BRD10: variants seen among roughly 807,000 people sequenced by gnomAD.
BRD10 encodes the protein uncharacterized bromodomain-containing protein 10.
At chr9:5,979,142 C>T in the BRD10 span, among the ~76,000 whole-genome samples, 1 of 152,158 alleles carries the variant, frequency 6.6e-6, no homozygotes, top group African/African-American at 2.4e-5. Context: ...GTTTAAAAAT[C>T]TGTTTCAATT....
At chr9:5,981,210 T>G in the BRD10 span, among the ~76,000 whole-genome samples, 1 of 152,130 alleles carries the variant, frequency 6.6e-6, no homozygotes, top group African/African-American at 2.4e-5. Context: ...AAAGATAAAA[T>G]AAAGTGGGAT....
chr9:6,008,116 G>C, the BRD10 span: 1 of 984,134 alleles, frequency 1.0e-6, no homozygotes, highest in Non-Finnish European at 1.2e-6. Context: ...CACCGGCCAG[G>C]CCCTGCCGGG....
the BRD10 span, among the ~76,000 whole-genome samples, chr9:5,966,600 T>C: frequency 3.3e-5 from 5 of 151,526 alleles, no homozygotes; most frequent in East Asian, 9.7e-4. Flanking sequence ...GCTGGGACTA[T>C]AGGCGCATGC....
chr9:5,947,848 T>A, the BRD10 span, among the ~76,000 whole-genome samples: 3 of 151,716 alleles, frequency 2.0e-5, no homozygotes, highest in Non-Finnish European at 4.4e-5. Flanking sequence ...AGAACAAAGA[T>A]TTTTTTTTAA....
the BRD10 span, among the ~76,000 whole-genome samples, chr9:5,952,921 T>C: frequency 6.6e-6 from 1 of 152,190 alleles, no homozygotes; most frequent in African/African-American, 2.4e-5. Flanking sequence ...ATATAATATA[T>C]AAAAGGATTT....
At chr9:5,961,640 AG>A in the BRD10 span, among the ~76,000 whole-genome samples, 2 of 150,768 alleles carry the variant, frequency 1.3e-5, no homozygotes, top group East Asian at 3.8e-4. Context: ...ATAAAAACAT[AG>A]GATCAAGCAT....
At chr9:5,918,415 T>A in the BRD10 span, among the ~76,000 whole-genome samples, 375 of 152,314 alleles carry the variant, frequency 2.5e-3, 1 homozygote, top group African/African-American at 8.7e-3. Context: ...AGCTACCTTT[T>A]ATTTAAAACG....
the BRD10 span, chr9:6,007,696 T>A: frequency 1.9e-6 from 3 of 1,608,950 alleles, no homozygotes; most frequent in Admixed American, 1.7e-5. Context: ...CGCTGCCACC[T>A]CCTCCTCGTC....
chr9:5,968,675 G>T, the BRD10 span: 1 of 1,613,740 alleles, frequency 6.2e-7, no homozygotes, highest in Non-Finnish European at 8.5e-7. Flanking sequence ...TCCATTACTT[G>T]TACTAACATA....
chr9:5,998,306 A>G, the BRD10 span, among the ~76,000 whole-genome samples: 1 of 152,084 alleles, frequency 6.6e-6, no homozygotes, highest in Non-Finnish European at 1.5e-5. Context: ...TTAATAAACT[A>G]TTACGAATAT....
At chr9:5,950,192 GATTT>G in the BRD10 span, among the ~76,000 whole-genome samples, 1 of 152,112 alleles carries the variant, frequency 6.6e-6, no homozygotes. Context: ...CCAAATCCAA[GATTT>G]ATTTCAAGGT....
chr9:5,904,917 G>A, the BRD10 span, among the ~76,000 whole-genome samples: 6 of 151,936 alleles, frequency 3.9e-5, no homozygotes, highest in Non-Finnish European at 8.8e-5. Context: ...GGGACTACAG[G>A]TGCCCGCTAC....
chr9:5,900,914 G>C, the BRD10 span, among the ~76,000 whole-genome samples: 1 of 90,018 alleles, frequency 1.1e-5, no homozygotes, highest in South Asian at 3.2e-4. Context: ...TTACACTCAT[G>C]TGTCAGGGCA....
chr9:5,957,417 G>A, the BRD10 span, among the ~76,000 whole-genome samples: 5 of 152,020 alleles, frequency 3.3e-5, no homozygotes, highest in African/African-American at 4.8e-5. Flanking sequence ...GACATACTGC[G>A]CATTTGTTAT....
the BRD10 span, among the ~76,000 whole-genome samples, chr9:5,971,549 G>T: frequency 6.6e-6 from 1 of 152,180 alleles, no homozygotes; most frequent in East Asian, 1.9e-4. Context: ...CACTACTTTG[G>T]CAAATATCAC....
the BRD10 span, among the ~76,000 whole-genome samples, chr9:5,937,778 G>C: frequency 6.6e-6 from 1 of 152,192 alleles, no homozygotes; most frequent in East Asian, 1.9e-4. Flanking sequence ...ACTGCAGTAA[G>C]TAGAAACAGT....
the BRD10 span, among the ~76,000 whole-genome samples, chr9:5,945,299 T>C: frequency 3.3e-5 from 5 of 152,244 alleles, no homozygotes; most frequent in Non-Finnish European, 5.9e-5. Context: ...ATTTCACAGG[T>C]TGTCAAATCA....
the BRD10 span, chr9:5,923,140 C>T: frequency 5.6e-6 from 9 of 1,613,876 alleles, no homozygotes; most frequent in Non-Finnish European, 6.8e-6. Flanking sequence ...TTAACTTTGC[C>T]TTCTTCCTTG....
At chr9:5,906,717 T>A in the BRD10 span, among the ~76,000 whole-genome samples, 1 of 152,220 alleles carries the variant, frequency 6.6e-6, no homozygotes, top group Non-Finnish European at 1.5e-5. Context: ...TATTCCTAGA[T>A]GCAAACTCAG....
Sources: gnomAD v4.1 joint callset for allele counts (sites outside exome capture counted in the v4.1 genomes callset) on GRCh38, gnomAD v4.1.1 for gene constraint, MANE v1.5 for transcripts, NCBI Gene and HGNC (gene_info 2026-07-23, HGNC 2026-07-21) for gene names.